The following CUL1 variants were observed in gnomAD, a reference collection of about 807,000 sequenced individuals.
CUL1 encodes cullin 1.
Under a neutral mutation model 118.0 loss-of-function variants are expected in CUL1, and 24 were observed. The observed-to-expected ratio is 0.20, with a 90% CI of 0.15 to 0.29. The LOEUF (loss-of-function observed/expected upper bound fraction) is 0.29. Ranked by LOEUF, CUL1 falls within the 10% of genes least tolerant of loss-of-function variation. The probability of loss-of-function intolerance (pLI) is 1.00; values close to 1 mark genes in which losing one functional copy is unlikely to be tolerated. For synonymous variants in CUL1, 332 were observed against 340.4 expected, an observed-to-expected ratio of 0.98 and a Z score of 0.27; for missense variants, 361 against 933.8, an observed-to-expected ratio of 0.39 and a Z score of 7.99.
At chr7:148,790,496 A>T in intron 16 of CUL1, 55 bp downstream of exon 16, 1 of 1,466,724 alleles carries the variant, frequency 6.8e-7, no homozygotes, top group Non-Finnish European at 9.4e-7. Flanking sequence ...CATAAGGCAA[A>T]TTATGGAAAT....
chr7:148,755,762 C>T (rs1321749261), intron 3 of CUL1, among the ~76,000 whole-genome samples: 1 of 152,204 alleles, frequency 6.6e-6, no homozygotes, highest in African/African-American at 2.4e-5. Flanking sequence ...AAGTTCATTT[C>T]ATATTATTTA....
chr7:148,772,579 T>C (rs1275900110), intron 9 of CUL1, among the ~76,000 whole-genome samples: 3 of 152,198 alleles, frequency 2.0e-5, no homozygotes, highest in South Asian at 4.1e-4. Flanking sequence ...TTCATTTCTT[T>C]AGCAAGCATT....
chr7:148,703,698 AT>A, intron 1 of CUL1, among the ~76,000 whole-genome samples: 2 of 151,684 alleles, frequency 1.3e-5, no homozygotes, highest in Admixed American at 6.6e-5. Flanking sequence ...CACCCAGCTA[AT>A]TTTTTGTATT....
chr7:148,747,186 T>C (rs1799333017), intron 2 of CUL1, among the ~76,000 whole-genome samples: 1 of 152,234 alleles, frequency 6.6e-6, no homozygotes, highest in Admixed American at 6.5e-5. Flanking sequence ...TGCTGCACTT[T>C]AGCTATCATT....
intron 9 of CUL1, among the ~76,000 whole-genome samples, chr7:148,773,268 A>G (rs111252686): frequency 0.017 from 2,550 of 152,054 alleles, 38 homozygotes; most frequent in Middle Eastern, 0.068. Flanking sequence ...TTCCAGTGAA[A>G]CTATTATAAT....
At chr7:148,712,680 C>G (rs560824021) in intron 1 of CUL1, among the ~76,000 whole-genome samples, 5 of 152,174 alleles carry the variant, frequency 3.3e-5, no homozygotes, top group South Asian at 2.1e-4. Context: ...ATTTTCGTAA[C>G]TCACTTATTC....
intron 1 of CUL1, among the ~76,000 whole-genome samples, chr7:148,724,827 C>T (rs983282039): frequency 1.3e-5 from 2 of 152,090 alleles, no homozygotes; most frequent in Non-Finnish European, 2.9e-5. Context: ...ACCTGATTTC[C>T]TAAGTATATT....
chr7:148,707,146 C>T (rs115368230), intron 1 of CUL1, among the ~76,000 whole-genome samples: 2,006 of 152,236 alleles, frequency 0.013, 54 homozygotes, highest in African/African-American at 0.044. Context: ...AGAACACATA[C>T]TGATTTTAAA....
chr7:148,748,702 C>T (rs377629371), intron 2 of CUL1, among the ~76,000 whole-genome samples: 1 of 152,214 alleles, frequency 6.6e-6, no homozygotes. Context: ...TGTTTTTAGG[C>T]ACATGTGAAA....
intron 9 of CUL1, among the ~76,000 whole-genome samples, chr7:148,781,769 C>T (rs1357967129): frequency 6.6e-6 from 1 of 152,174 alleles, no homozygotes. Context: ...GCCGTGCAGG[C>T]CGAGTGGTCA....
intron 7 of CUL1, among the ~76,000 whole-genome samples, chr7:148,762,504 A>G (rs1421289275): frequency 6.6e-6 from 1 of 152,226 alleles, no homozygotes; most frequent in Non-Finnish European, 1.5e-5. Context: ...CAGCTCACCC[A>G]GAGTTTCAAA....
At chr7:148,753,696 A>G (rs1230840466) in intron 2 of CUL1, among the ~76,000 whole-genome samples, 2 of 152,164 alleles carry the variant, frequency 1.3e-5, no homozygotes, top group South Asian at 2.1e-4. Flanking sequence ...CAGATAATCT[A>G]AAAGGTCCAG....
At chr7:148,732,011 T>C (rs924726382) in intron 2 of CUL1, among the ~76,000 whole-genome samples, 23 of 152,214 alleles carry the variant, frequency 1.5e-4, no homozygotes, top group Non-Finnish European at 2.9e-4. Context: ...CTGTGACTTC[T>C]GGTCTCCAGG....
intron 1 of CUL1, among the ~76,000 whole-genome samples, chr7:148,700,911 A>G (rs1406546207): frequency 6.6e-6 from 1 of 152,076 alleles, no homozygotes; most frequent in Non-Finnish European, 1.5e-5. Context: ...TGTGTGTACC[A>G]CATCAGAAGA....
chr7:148,772,284 A>C (rs534978172), intron 9 of CUL1, among the ~76,000 whole-genome samples: 1 of 152,242 alleles, frequency 6.6e-6, no homozygotes, highest in South Asian at 2.1e-4. Context: ...GCGTGTTAGC[A>C]GGCACCTGTA....
chr7:148,733,046 C>T (rs1293805676), intron 2 of CUL1, among the ~76,000 whole-genome samples: 1 of 152,144 alleles, frequency 6.6e-6, no homozygotes, highest in Admixed American at 6.5e-5. Context: ...AGTCACCTTT[C>T]TCTGTGGATA....
chr7:148,790,560 T>A, intron 16 of CUL1, 119 bp downstream of exon 16: 1 of 863,572 alleles, frequency 1.2e-6, no homozygotes, highest in Non-Finnish European at 1.8e-6. Flanking sequence ...GGTGAAATAG[T>A]GGCAGGTTTA....
chr7:148,722,773 C>G (rs549899458), intron 1 of CUL1, among the ~76,000 whole-genome samples: 1 of 152,348 alleles, frequency 6.6e-6, no homozygotes, highest in African/African-American at 2.4e-5. Context: ...GTGTTTTGTT[C>G]TAGTCATTTG....
At chr7:148,782,838 G>A in intron 9 of CUL1, among the ~76,000 whole-genome samples, 1 of 87,500 alleles carries the variant, frequency 1.1e-5, no homozygotes, top group South Asian at 3.5e-4. Context: ...TGGAAACATG[G>A]GCGTGCCGCG....
Sources: gnomAD v4.1 joint callset for allele counts (sites outside exome capture counted in the v4.1 genomes callset) on GRCh38, gnomAD v4.1.1 for gene constraint, MANE v1.5 for transcripts, NCBI Gene and HGNC (gene_info 2026-07-23, HGNC 2026-07-21) for gene names.